The following MAP3K13 variants were observed in gnomAD, a reference collection of about 807,000 sequenced individuals.
MAP3K13 encodes mitogen-activated protein kinase kinase kinase 13.
A neutral mutation model predicts 104.0 loss-of-function variants in MAP3K13; 52 were observed. The ratio of observed to expected loss-of-function variants is 0.50; its 90% CI spans 0.40 to 0.63. The LOEUF is 0.63. Among genes scored for constraint, MAP3K13 ranks in the 20% least tolerant of loss-of-function variants. The pLI, the probability that MAP3K13 is intolerant of heterozygous loss-of-function variation, is 0.00. For missense variants in MAP3K13, 914 were observed against 1,218.5 expected (o/e 0.75, Z 3.72); for synonymous variants, 394 against 442.2 (o/e 0.89, Z 1.37).
intron 2 of MAP3K13, among the ~76,000 whole-genome samples, chr3:185,436,570 G>T (rs768943768): frequency 3.3e-5 from 5 of 152,162 alleles, no homozygotes. Flanking sequence ...GGCCATACCT[G>T]TAGGGTTGTT....
At chr3:185,449,750 A>G in intron 5 of MAP3K13, 150 bp from the exon 6 acceptor site, 1 of 527,746 alleles carries the variant, frequency 1.9e-6, no homozygotes, top group South Asian at 4.6e-5. Flanking sequence ...TTTTTTTCAG[A>G]GTTGTCCCAG....
chr3:185,475,077 G>C (rs1718034385), intron 11 of MAP3K13, among the ~76,000 whole-genome samples: 1 of 141,962 alleles, frequency 7.0e-6, no homozygotes. Flanking sequence ...CTGGGCGACA[G>C]TGTGAGACCC....
At chr3:185,462,501 GGTGGCTCATGCC>G (rs1167306451) in intron 7 of MAP3K13, among the ~76,000 whole-genome samples, 1 of 152,178 alleles carries the variant, frequency 6.6e-6, no homozygotes, top group African/African-American at 2.4e-5. Context: ...GGCCGGGTGC[GGTGGCTCATGCC>G]TGTAATCCCA....
intron 2 of MAP3K13, among the ~76,000 whole-genome samples, chr3:185,291,234 G>A (rs143879283): frequency 1.9e-3 from 296 of 152,232 alleles, no homozygotes; most frequent in African/African-American, 6.9e-3. Flanking sequence ...TTTTGGCTAT[G>A]CTTTCAGAGA....
chr3:185,382,094 C>T (rs1206142602), intron 1 of MAP3K13, among the ~76,000 whole-genome samples: 1 of 152,136 alleles, frequency 6.6e-6, no homozygotes, highest in Non-Finnish European at 1.5e-5. Context: ...GGTTCAAGAC[C>T]TCCCAGTAGA....
At position 185,482,995 on chromosome 3, in the gene MAP3K13, A is replaced by C. The variant is rs3755647; in HGVS notation, c.*539A>C. On this transcript the variant is annotated 3_prime_UTR_variant, in exon 14 of 14. Transcript: ENST00000265026. The surrounding 1 kb of genome is among the most constrained non-coding windows in gnomAD (Gnocchi z 4.5). ...ACATTGAACATTTTAGAACACAAAG[A>C]ACAGCAAAAGAAAAGCAATTCCAGG... 0.47 allele frequency: 109,410 copies of C among 231,230 alleles called. 26,358 individuals carry two copies. The highest frequency in any genetic ancestry group is 0.54 in the Middle Eastern group (413 of 768). 14.3% of individuals were successfully genotyped at this position (231,230 alleles called of 1,614,324 possible).
chr3:185,437,032 A>T (rs4456882), intron 2 of MAP3K13, among the ~76,000 whole-genome samples: 2 of 107,774 alleles, frequency 1.9e-5, no homozygotes, highest in African/African-American at 6.2e-5. Flanking sequence ...AAAAAAAAAA[A>T]TTAGCAAAGA....
At chr3:185,344,169 T>C (rs951480575) in intron 2 of MAP3K13, among the ~76,000 whole-genome samples, 1 of 151,686 alleles carries the variant, frequency 6.6e-6, no homozygotes, top group African/African-American at 2.4e-5. Flanking sequence ...CCATCTACTG[T>C]CTATACCTGC....
At chr3:185,362,974 CACACACACTCA>C, upstream of MAP3K13, 1 of 362,738 alleles carries the variant, frequency 2.8e-6, no homozygotes, top group Non-Finnish European at 3.9e-6. Flanking sequence ...CACACACACA[CACACACACTCA>C]AGCTGCCAGT....
At chr3:185,422,838 CAGG>C (rs148306080) in intron 1 of MAP3K13, among the ~76,000 whole-genome samples, 2,889 of 152,316 alleles carry the variant, frequency 0.019, 44 homozygotes, top group Non-Finnish European at 0.029. Context: ...GGCGGAACAG[CAGG>C]AGGTGAGCAG....
In MAP3K13 at chr3:185,429,003, T is replaced by C; in HGVS notation, c.422T>C (p.Val141Ala). Reference sequence around the variant, plus strand: ...GGACTATTTGGATGCTTAAGGCCTGTATGGAATATCATTGGGAAGGCATAT... The same window carrying C: ...GGACTATTTGGATGCTTAAGGCCTGCATGGAATATCATTGGGAAGGCATAT... ...LEGLFGCLRPVWNIIGKAYST... is the reference protein window; with the variant it reads ...LEGLFGCLRPAWNIIGKAYST... Residue 141 changes from valine to alanine, a missense_variant, in exon 2 of 14, where the codon GTA becomes GCA. This residue lies in a region of MAP3K13 where 175 missense variants were observed against 321.3 expected (regional missense o/e 0.54). Coordinates refer to ENST00000265026, the MANE Select transcript of MAP3K13 (RefSeq NM_004721.5). 2 of 1,614,208 alleles carry C rather than the reference T, an allele frequency of 1.2e-6. No homozygotes were observed. Among genetic ancestry groups the C allele is most frequent in the Non-Finnish European group, 1.7e-6 (2 of 1,180,038 alleles).
intron 11 of MAP3K13, among the ~76,000 whole-genome samples, chr3:185,474,258 G>A (rs948107190): frequency 2.6e-5 from 4 of 151,430 alleles, no homozygotes; most frequent in Admixed American, 1.3e-4. Flanking sequence ...CCTGGGAGGC[G>A]GAGGTTGCAC....
chr3:185,355,139 A>G (rs1269503834), intron 2 of MAP3K13, among the ~76,000 whole-genome samples: 1 of 152,172 alleles, frequency 6.6e-6, no homozygotes, highest in Non-Finnish European at 1.5e-5. Flanking sequence ...TATTTCTGGA[A>G]TTTAGATATC....
intron 11 of MAP3K13, among the ~76,000 whole-genome samples, chr3:185,474,882 G>A (rs540217035): frequency 1.1e-4 from 17 of 152,158 alleles, no homozygotes; most frequent in African/African-American, 3.9e-4. Context: ...GGATCATGAG[G>A]TCAGGAGTTC....
At chr3:185,305,473 T>C (rs2108682434) in intron 2 of MAP3K13, among the ~76,000 whole-genome samples, 1 of 152,316 alleles carries the variant, frequency 6.6e-6, no homozygotes, top group East Asian at 1.9e-4. Flanking sequence ...TTCATAGTTA[T>C]AGTTTTTTTA....
At chr3:185,458,760 G>A (rs1423332868) in intron 7 of MAP3K13, among the ~76,000 whole-genome samples, 1 of 152,214 alleles carries the variant, frequency 6.6e-6, no homozygotes, top group Non-Finnish European at 1.5e-5. Context: ...CTTCGGTCAA[G>A]AGGTGCTGCC....
intron 2 of MAP3K13, among the ~76,000 whole-genome samples, chr3:185,307,219 T>C (rs960405676): frequency 6.6e-6 from 1 of 152,188 alleles, no homozygotes; most frequent in Non-Finnish European, 1.5e-5. Context: ...GATTTCCATT[T>C]CTTTCTTCAT....
At chr3:185,331,005 C>T (rs565942182) in intron 2 of MAP3K13, among the ~76,000 whole-genome samples, 1 of 152,092 alleles carries the variant, frequency 6.6e-6, no homozygotes, top group South Asian at 2.1e-4. Context: ...AGCTCCTCCT[C>T]AGAGAGGCCT....
chr3:185,330,984 T>G (rs1722245825), intron 2 of MAP3K13, among the ~76,000 whole-genome samples: 1 of 152,094 alleles, frequency 6.6e-6, no homozygotes, highest in South Asian at 2.1e-4. Context: ...CATTCGGGTC[T>G]CTATTCAAAT....
Sources: allele counts gnomAD v4.1 joint callset (sites outside exome capture counted in the v4.1 genomes callset), GRCh38; gene constraint gnomAD v4.1.1; regional missense constraint gnomAD v4.1.1; non-coding constraint Gnocchi (gnomAD v3.1); transcripts MANE v1.5; gene names NCBI Gene and HGNC (gene_info 2026-07-23, HGNC 2026-07-21).